HIPK2: variants seen among roughly 807,000 people sequenced by gnomAD.
HIPK2 encodes homeodomain-interacting protein kinase 2.
HIPK2 carries 27 observed loss-of-function variants against 113.7 expected under a neutral mutation model. That is an observed-to-expected ratio of 0.24 (90% CI 0.17 to 0.33). The LOEUF (loss-of-function observed/expected upper bound fraction) is 0.33, where lower values mean the gene tolerates loss of function less well. Among genes scored for constraint, HIPK2 ranks in the 10% least tolerant of loss-of-function variants. HIPK2 has a pLI of 1.00. For missense variants in HIPK2, 1,257 were observed against 1,588.0 expected (o/e 0.79, Z 3.54); for synonymous variants, 631 against 642.2 (o/e 0.98, Z 0.26).
chr7:139,742,095 T>C (rs534778467), intron 1 of HIPK2, among the ~76,000 whole-genome samples: 137 of 152,362 alleles, frequency 9.0e-4, no homozygotes, highest in African/African-American at 3.1e-3. Context: ...CCATTAGGAA[T>C]GTAAATGACA....
Position 139,567,967 on chromosome 7 carries a change from T to G in HIPK2, c.*4960A>C, listed in dbSNP as rs1403937880. 6.6e-6 allele frequency: 1 copy of G among 152,348 alleles called. No individual in the cohort carries two copies. The highest frequency in any genetic ancestry group is 1.9e-4 in the East Asian group (1 of 5,192). The allele number at this position is 152,348 out of a possible 1,614,324, so 9.4% of individuals were successfully genotyped here. On this transcript the variant is annotated 3_prime_UTR_variant, in exon 15 of 15. Transcript: ENST00000406875. ...TCTCTCAACCATGAGCCATCAGTAA[T>G]ACTTCCCGAAGCCTCCTCATCTCCT...
At position 139,631,062 on chromosome 7, in the gene HIPK2, C is replaced by T. The variant is rs758065312; in HGVS notation, c.1347+103G>A. 2.1e-6 allele frequency: 3 copies of T among 1,432,202 alleles called. No homozygotes were observed. Among genetic ancestry groups the T allele is most frequent in the Non-Finnish European group, 2.8e-6 (3 of 1,071,046 alleles). 88.7% of individuals were successfully genotyped at this position (1,432,202 alleles called of 1,614,324 possible). Reference sequence around the variant, plus strand: ...GTATTAACAACAGCACCCCCAGTGCCCTCATTTTGCTGACTGAATCAAAAG... The same window carrying T: ...GTATTAACAACAGCACCCCCAGTGCTCTCATTTTGCTGACTGAATCAAAAG... On this transcript the variant is annotated intron_variant, in intron 4 of 14. Transcript: ENST00000406875. The surrounding 1 kb of genome is among the most constrained non-coding windows in gnomAD (Gnocchi z 4.9).
chr7:139,735,174 T>C (rs182327500), intron 1 of HIPK2, among the ~76,000 whole-genome samples: 3 of 152,320 alleles, frequency 2.0e-5, no homozygotes, highest in African/African-American at 7.2e-5. Flanking sequence ...GAGCAGAGAA[T>C]GTTTTCATGA....
chr7:139,586,927 T>C (rs762298213), intron 12 of HIPK2, among the ~76,000 whole-genome samples: 17 of 151,792 alleles, frequency 1.1e-4, no homozygotes, highest in Non-Finnish European at 2.5e-4. Context: ...TTACCAGAGG[T>C]TGGGGGCTAG....
In HIPK2 at chr7:139,769,324, G is replaced by A. The variant is rs899497954; in HGVS notation, c.19+8281C>T. Among the ~76,000 whole-genome samples, 7 of 152,108 alleles carry A rather than the reference G, an allele frequency of 4.6e-5. No individual in the cohort carries two copies. The South Asian group carries it at 1.3e-3, about 27-fold the overall frequency. On this transcript the variant is annotated intron_variant, in intron 1 of 14. Coordinates refer to ENST00000406875, the MANE Select transcript of HIPK2 (RefSeq NM_022740.5). Reference sequence around the variant, plus strand: ...CTCCACGGCCGCAGTGCCTTCCACCGCACCACAAGGCCTACCAGCATGGCC... The same window carrying A: ...CTCCACGGCCGCAGTGCCTTCCACCACACCACAAGGCCTACCAGCATGGCC...
intron 7 of HIPK2, among the ~76,000 whole-genome samples, chr7:139,618,720 G>A (rs1008058315): frequency 6.6e-6 from 1 of 152,198 alleles, no homozygotes; most frequent in Middle Eastern, 3.2e-3. Context: ...GACATCCATG[G>A]GAAGGACAGC....
intron 2 of HIPK2, among the ~76,000 whole-genome samples, chr7:139,653,599 T>C (rs934073766): frequency 3.3e-5 from 5 of 151,926 alleles, no homozygotes; most frequent in Non-Finnish European, 5.9e-5. Context: ...AAGCACAGCC[T>C]GGGATTACCT....
chr7:139,662,598 G>A (rs1450848897), intron 2 of HIPK2, among the ~76,000 whole-genome samples: 2 of 151,112 alleles, frequency 1.3e-5, no homozygotes, highest in East Asian at 2.0e-4. Context: ...ACTGCCAGGC[G>A]AAGTTTCCTA....
At chr7:139,757,129 C>A (rs183755888) in intron 1 of HIPK2, among the ~76,000 whole-genome samples, 2 of 152,276 alleles carry the variant, frequency 1.3e-5, no homozygotes, top group Middle Eastern at 3.4e-3. Flanking sequence ...GAGACACAGA[C>A]ACTTAGACAT....
chr7:139,645,231 T>C (rs1031482528), intron 2 of HIPK2, among the ~76,000 whole-genome samples: 6 of 152,216 alleles, frequency 3.9e-5, no homozygotes, highest in African/African-American at 1.4e-4. Context: ...CATCTGATCA[T>C]GTGGCTTGTG....
chr7:139,607,951 GT>G (rs1228682510), intron 9 of HIPK2, among the ~76,000 whole-genome samples: 3 of 151,976 alleles, frequency 2.0e-5, no homozygotes, highest in African/African-American at 7.3e-5. Context: ...AAAAATTATC[GT>G]TATGGCCAGG....
chr7:139,650,633 C>A (rs1274425037), intron 2 of HIPK2, among the ~76,000 whole-genome samples: 4 of 152,158 alleles, frequency 2.6e-5, no homozygotes, highest in Admixed American at 1.3e-4. Context: ...CTGAGCAGGG[C>A]AAACCTGTGT....
intron 1 of HIPK2, 90 bp from the exon 2 acceptor site, chr7:139,717,105 T>C: frequency 2.8e-6 from 4 of 1,449,082 alleles, no homozygotes; most frequent in Non-Finnish European, 3.7e-6. Flanking sequence ...ATCTGTGGCT[T>C]GGGCCATACA....
intron 9 of HIPK2, among the ~76,000 whole-genome samples, chr7:139,605,815 C>T (rs1436984437): frequency 6.6e-6 from 1 of 152,210 alleles, no homozygotes; most frequent in East Asian, 1.9e-4. Flanking sequence ...CTATTAACTA[C>T]AGTTAATTGT....
At chr7:139,649,466 C>T (rs557292288) in intron 2 of HIPK2, among the ~76,000 whole-genome samples, 28 of 152,260 alleles carry the variant, frequency 1.8e-4, no homozygotes, top group African/African-American at 2.4e-4. Context: ...TTCCCCTTCA[C>T]GTTTTTATTC....
At chr7:139,707,280 C>T (rs1794929750) in intron 2 of HIPK2, among the ~76,000 whole-genome samples, 1 of 152,272 alleles carries the variant, frequency 6.6e-6, no homozygotes, top group Non-Finnish European at 1.5e-5. Flanking sequence ...CCATCTCAAT[C>T]TGTCCCGGAA....
intron 9 of HIPK2, among the ~76,000 whole-genome samples, chr7:139,612,658 C>G (rs779963681): frequency 2.0e-5 from 3 of 152,142 alleles, no homozygotes; most frequent in Non-Finnish European, 4.4e-5. Flanking sequence ...TGTTACCTTA[C>G]GTTTACATAA....
chr7:139,591,087 T>C (rs1015671499), intron 12 of HIPK2, among the ~76,000 whole-genome samples: 4 of 152,206 alleles, frequency 2.6e-5, no homozygotes, highest in African/African-American at 9.7e-5. Context: ...CCTCAAGTGA[T>C]CCTGGCACCT....
At chr7:139,706,674 T>C (rs1427637052) in intron 2 of HIPK2, among the ~76,000 whole-genome samples, 1 of 152,182 alleles carries the variant, frequency 6.6e-6, no homozygotes, top group Non-Finnish European at 1.5e-5. Context: ...CCAGCCTGGC[T>C]CCCGCCTGCT....
Sources: allele counts gnomAD v4.1 joint callset (sites outside exome capture counted in the v4.1 genomes callset), GRCh38; gene constraint gnomAD v4.1.1; non-coding constraint Gnocchi (gnomAD v3.1); transcripts MANE v1.5; gene names NCBI Gene and HGNC (gene_info 2026-07-23, HGNC 2026-07-21).